Variants in ADAM22 observed in about 807,000 individuals in gnomAD.
ADAM22 encodes ADAM metallopeptidase domain 22.
In ADAM22, 65 loss-of-function variants were observed where a neutral mutation model predicts 144.6. That is an observed-to-expected ratio of 0.45 (90% CI 0.37 to 0.55). ADAM22 has a LOEUF of 0.55. Among genes scored for constraint, ADAM22 ranks in the 20% least tolerant of loss-of-function variants. ADAM22 has a pLI of 0.00. For missense variants in ADAM22, 974 were observed against 1,184.9 expected, an observed-to-expected ratio of 0.82 and a Z score of 2.61; for synonymous variants, 391 against 412.6, an observed-to-expected ratio of 0.95 and a Z score of 0.63.
At chr7:87,972,294 C>A (rs1850656354) in intron 2 of ADAM22, among the ~76,000 whole-genome samples, 2 of 151,344 alleles carry the variant, frequency 1.3e-5, no homozygotes, top group Admixed American at 1.3e-4. Context: ...CAATAACAGA[C>A]AAACAGAGAG....
intron 3 of ADAM22, among the ~76,000 whole-genome samples, chr7:88,010,879 C>T (rs566364695): frequency 6.6e-6 from 1 of 152,278 alleles, no homozygotes; most frequent in East Asian, 1.9e-4. Context: ...GGGTGCCACT[C>T]CTCGTGTATA....
At chr7:88,155,789 G>T in intron 21 of ADAM22, 98 bp from the exon 22 acceptor site, 1 of 1,428,364 alleles carries the variant, frequency 7.0e-7, no homozygotes, top group Non-Finnish European at 9.5e-7. Context: ...TAATATACTT[G>T]ATGAAAACCA....
intron 2 of ADAM22, among the ~76,000 whole-genome samples, chr7:87,963,307 G>A (rs112205872): frequency 0.012 from 1,816 of 152,200 alleles, 30 homozygotes; most frequent in African/African-American, 0.04. Flanking sequence ...ACCCAGTGGG[G>A]GAAGTTCGGA....
At chr7:88,041,503 C>T (rs1285815803) in intron 3 of ADAM22, among the ~76,000 whole-genome samples, 1 of 151,820 alleles carries the variant, frequency 6.6e-6, no homozygotes, top group African/African-American at 2.4e-5. Flanking sequence ...TCATCTATAT[C>T]TATACATTCA....
intron 3 of ADAM22, among the ~76,000 whole-genome samples, chr7:87,991,661 C>T (rs756599948): frequency 3.9e-5 from 6 of 152,172 alleles, no homozygotes; most frequent in Admixed American, 6.5e-5. Flanking sequence ...CCACCGCGCC[C>T]GGCACTAGCC....
chr7:87,935,309 C>A (rs1840975967), intron 2 of ADAM22, 123 bp downstream of exon 2: 1 of 1,133,558 alleles, frequency 8.8e-7, no homozygotes, highest in Admixed American at 2.9e-5. Context: ...GGTCCCGATG[C>A]GAGTCATGCA....
intron 30 of ADAM22, among the ~76,000 whole-genome samples, chr7:88,192,347 T>C (rs1233171868): frequency 6.6e-6 from 1 of 152,230 alleles, no homozygotes; most frequent in African/African-American, 2.4e-5. Context: ...CTTTTTTCAC[T>C]TTAAAGACAA....
At chr7:87,982,068 T>TATATATATATATATACACAC (rs1244517564) in intron 3 of ADAM22, among the ~76,000 whole-genome samples, 3 of 93,742 alleles carry the variant, frequency 3.2e-5, no homozygotes, top group East Asian at 7.6e-4. Context: ...TATATATATA[T>TATATATATATATATACACAC]ACACACACAC....
At chr7:88,078,603 A>C (rs2129482360) in intron 4 of ADAM22, among the ~76,000 whole-genome samples, 1 of 152,360 alleles carries the variant, frequency 6.6e-6, no homozygotes, top group Non-Finnish European at 1.5e-5. Context: ...CTTTGAAAAA[A>C]AATTAGACGA....
At chr7:88,186,526 G>A (rs1178264876) in intron 29 of ADAM22, 89 bp from the exon 30 acceptor site, 24 of 867,748 alleles carry the variant, frequency 2.8e-5, no homozygotes, top group Admixed American at 7.4e-5. Flanking sequence ...CATTTGGAGG[G>A]TGAAGACATC....
chr7:87,953,169 C>T (rs1233427909), intron 2 of ADAM22, among the ~76,000 whole-genome samples: 1 of 150,152 alleles, frequency 6.7e-6, no homozygotes, highest in Non-Finnish European at 1.5e-5. Flanking sequence ...TTAGTTATTT[C>T]TTGCCTTCTG....
At chr7:88,046,415 GTTAT>G (rs1483422753) in intron 3 of ADAM22, among the ~76,000 whole-genome samples, 2 of 152,048 alleles carry the variant, frequency 1.3e-5, no homozygotes, top group African/African-American at 4.8e-5. Context: ...TTTCCATCAT[GTTAT>G]TTGTTTTCTT....
Position 88,182,006 on chromosome 7 carries a change from C to T in ADAM22, c.2645C>T (p.Pro882Leu). The change falls in exon 29 of 32, where the codon CCT (proline) becomes CTT (leucine). Residue 882 changes from proline to leucine, a missense_variant. Around this residue, in one of 2 missense-constraint regions of ADAM22, gnomAD observed 734 missense variants for 950.6 expected, o/e 0.77. Coordinates refer to ENST00000413139, the MANE Select transcript of ADAM22 (RefSeq NM_001324418.2). ...AAAATCAGAGGCAAAAGATTTAGAC[C>T]TCGGTCTAATTCAACTGAGTAAGTC... ...KKKIRGKRFR[P>L]RSNSTEYLNP... is the part of the protein sequence containing the mutation. The T allele has an allele frequency of 6.2e-7, 1 of 1,613,608 alleles. No homozygotes were observed. Among genetic ancestry groups the T allele is most frequent in the Non-Finnish European group, 8.5e-7 (1 of 1,179,726 alleles).
chr7:88,183,188 G>A (rs919163104), intron 29 of ADAM22, among the ~76,000 whole-genome samples: 3 of 152,146 alleles, frequency 2.0e-5, no homozygotes, highest in African/African-American at 2.4e-5. Flanking sequence ...TAACTAATGT[G>A]TTAGAGTTTA....
intron 28 of ADAM22, 104 bp from the exon 29 acceptor site, chr7:88,181,854 C>T (rs556592338): frequency 9.6e-7 from 1 of 1,040,938 alleles, no homozygotes; most frequent in South Asian, 1.5e-5. Flanking sequence ...CGGTGTTCCA[C>T]AGTGGTGCTG....
intron 3 of ADAM22, among the ~76,000 whole-genome samples, chr7:88,045,790 T>A (rs750281298): frequency 6.6e-6 from 1 of 152,198 alleles, no homozygotes; most frequent in Non-Finnish European, 1.5e-5. Context: ...TATTTGTCTT[T>A]CTGTGCCTGG....
chr7:88,170,459 A>T (rs1489596991), intron 25 of ADAM22, among the ~76,000 whole-genome samples: 2 of 151,960 alleles, frequency 1.3e-5, no homozygotes, highest in Admixed American at 6.6e-5. Flanking sequence ...GGAATTAAAA[A>T]AAAAAATAAA....
intron 2 of ADAM22, among the ~76,000 whole-genome samples, chr7:87,959,245 T>G (rs548609132): frequency 6.6e-6 from 1 of 152,282 alleles, no homozygotes; most frequent in East Asian, 1.9e-4. Context: ...AATCTTGGGT[T>G]TTTACACCAA....
chr7:88,022,314 A>G (rs1451681699), intron 3 of ADAM22, among the ~76,000 whole-genome samples: 2 of 152,226 alleles, frequency 1.3e-5, no homozygotes, highest in African/African-American at 4.8e-5. Flanking sequence ...ATGATACCAG[A>G]TGGTTCATGA....
Sources: gnomAD v4.1 joint callset for allele counts (sites outside exome capture counted in the v4.1 genomes callset) on GRCh38, gnomAD v4.1.1 for gene constraint, gnomAD v4.1.1 regional missense constraint, MANE v1.5 for transcripts, NCBI Gene and HGNC (gene_info 2026-07-23, HGNC 2026-07-21) for gene names.